The following ERI3 variants were observed in gnomAD, a reference collection of about 807,000 sequenced individuals.
ERI3 encodes ERI1 exoribonuclease family member 3, also known as ERI1 exoribonuclease 3.
Under a neutral mutation model 44.4 loss-of-function variants are expected in ERI3, and 18 were observed. That is an observed-to-expected ratio of 0.41 (90% CI 0.28 to 0.60). The LOEUF is 0.60. Among genes scored for constraint, ERI3 ranks in the 20% least tolerant of loss-of-function variants. ERI3 has a pLI of 0.36. For synonymous variants in ERI3, 183 were observed against 164.8 expected, an observed-to-expected ratio of 1.11 and a Z score of -0.84; for missense variants, 294 against 435.5, an observed-to-expected ratio of 0.68 and a Z score of 2.89.
At chr1:44,234,456 T>G (rs1008987629) in intron 8 of ERI3, among the ~76,000 whole-genome samples, 2 of 151,444 alleles carry the variant, frequency 1.3e-5, no homozygotes, top group African/African-American at 4.9e-5. Flanking sequence ...GAGGTCAGGA[T>G]TTCGAGACCA....
intron 3 of ERI3, among the ~76,000 whole-genome samples, chr1:44,335,991 G>A (rs540742318): frequency 4.3e-4 from 66 of 152,208 alleles, no homozygotes; most frequent in Admixed American, 1.4e-3. Flanking sequence ...TCAAGAGCAA[G>A]TTGTTATCGT....
intron 8 of ERI3, among the ~76,000 whole-genome samples, chr1:44,236,545 T>G (rs924981287): frequency 6.6e-6 from 1 of 150,882 alleles, no homozygotes; most frequent in Non-Finnish European, 1.5e-5. Flanking sequence ...TGAGGAAGAG[T>G]TAATTAGGTT....
chr1:44,285,962 G>A (rs1572189330), intron 6 of ERI3, among the ~76,000 whole-genome samples: 1 of 152,322 alleles, frequency 6.6e-6, no homozygotes, highest in East Asian at 1.9e-4. Context: ...GAGCAGGGTA[G>A]AAGCCAGTAG....
chr1:44,333,265 T>C (rs957615371), intron 3 of ERI3, among the ~76,000 whole-genome samples: 2 of 152,400 alleles, frequency 1.3e-5, no homozygotes, highest in African/African-American at 4.8e-5. Context: ...ATCTCAACCA[T>C]AATGTTACAT....
At chr1:44,352,795 C>G in intron 2 of ERI3, 55 bp downstream of exon 2, 2 of 1,605,792 alleles carry the variant, frequency 1.2e-6, no homozygotes, top group Non-Finnish European at 1.7e-6. Flanking sequence ...ACCCTCCAAG[C>G]CCAAATACTC....
At position 44,238,569 on chromosome 1, in the gene ERI3, C is replaced by G. The variant is rs114514143; in HGVS notation, c.931+9370G>C. Among the ~76,000 whole-genome samples, 1,129 of 152,218 alleles carry G rather than the reference C, an allele frequency of 7.4e-3. 9 individuals carry two copies. Among genetic ancestry groups the G allele is most frequent in the African/African-American group, 0.025 (1,050 of 41,534 alleles). On this transcript the variant is annotated intron_variant, in intron 8 of 8. Transcript: ENST00000372257. Reference sequence around the variant, plus strand: ...TGCGGAGATCACAAGGCCTGGCCACCGGAGTCAGCTTCTCCCACCAGAAGC... The same window carrying G: ...TGCGGAGATCACAAGGCCTGGCCACGGGAGTCAGCTTCTCCCACCAGAAGC...
Position 44,307,963 on chromosome 1 carries a change from T to C in ERI3, c.758+347A>G, listed in dbSNP as rs375068589. The stretch of plus-strand genomic sequence containing the variant: ...AAATAAGTTACTATATTTAATTACA[T>C]AGTAAACATGGTATTTGGCTTAAAA... On this transcript the variant is annotated intron_variant, in intron 6 of 8. Coordinates refer to ENST00000372257, the MANE Select transcript of ERI3 (RefSeq NM_024066.3). Among the ~76,000 whole-genome samples the C allele has an allele frequency of 3.7e-4, 57 of 152,332 alleles. No homozygotes were observed. The East Asian group carries it at 5.8e-3, about 15-fold the overall frequency.
At chr1:44,308,278 C>T (rs753414076) in intron 6 of ERI3, 32 bp downstream of exon 6, 51 of 1,510,046 alleles carry the variant, frequency 3.4e-5, no homozygotes, top group Non-Finnish European at 4.4e-5. Flanking sequence ...GATTCCAAGC[C>T]CTGCCAGCAA....
chr1:44,262,444 T>TC lies in ERI3; in HGVS notation c.832-14407dup, dbSNP rs1471931655. Among the ~76,000 whole-genome samples, 3 of 152,338 alleles carry TC rather than the reference T, an allele frequency of 2.0e-5. No homozygotes were observed. The East Asian group carries it at 5.8e-4, about 29-fold the overall frequency. ...ACCCTGTAGAGATGGTGTGCTTCTC[T>TC]CACTCCCCTGGGAATCTGTCTTCTG... On this transcript the variant is annotated intron_variant, in intron 7 of 8. Transcript: ENST00000372257.
At chr1:44,310,950 A>AGCGCGC (rs1645944471) in intron 5 of ERI3, among the ~76,000 whole-genome samples, 1 of 74,292 alleles carries the variant, frequency 1.3e-5, no homozygotes, top group African/African-American at 5.5e-5. Context: ...GTATGTGCAC[A>AGCGCGC]TCGCGCGCGC....
chr1:44,345,832 G>A (rs915170453), intron 2 of ERI3, among the ~76,000 whole-genome samples: 11 of 152,202 alleles, frequency 7.2e-5, no homozygotes, highest in African/African-American at 2.7e-4. Flanking sequence ...AATGAGATTA[G>A]AAAGAGAAAA....
At chr1:44,343,594 T>C (rs1209284655) in intron 2 of ERI3, among the ~76,000 whole-genome samples, 1 of 152,190 alleles carries the variant, frequency 6.6e-6, no homozygotes, top group African/African-American at 2.4e-5. Flanking sequence ...AAGGAACGTT[T>C]ACTGAGGAAA....
chr1:44,247,885 C>T (rs1644587927), intron 8 of ERI3, 54 bp downstream of exon 8: 6 of 1,452,016 alleles, frequency 4.1e-6, no homozygotes, highest in South Asian at 2.4e-5. Context: ...GACTGGGGCA[C>T]GCGGGCAAGG....
intron 5 of ERI3, among the ~76,000 whole-genome samples, chr1:44,310,965 A>ACGCGCG (rs1211817457): frequency 4.0e-5 from 2 of 49,718 alleles, no homozygotes; most frequent in African/African-American, 1.6e-4. Context: ...GCGCGCGCGC[A>ACGCGCG]CACACACACA....
chr1:44,222,566 G>GA (rs1207154504), intron 8 of ERI3, among the ~76,000 whole-genome samples: 2 of 152,194 alleles, frequency 1.3e-5, no homozygotes, highest in African/African-American at 4.8e-5. Context: ...CAGCGTCATG[G>GA]ACATGGGCCA....
At chr1:44,314,766 C>T (rs1182972535) in intron 4 of ERI3, among the ~76,000 whole-genome samples, 2 of 152,228 alleles carry the variant, frequency 1.3e-5, no homozygotes, top group African/African-American at 2.4e-5. Context: ...AGAAAGCCTA[C>T]TACGGGCTGG....
chr1:44,238,078 C>A (rs956182908), intron 8 of ERI3, among the ~76,000 whole-genome samples: 1 of 152,140 alleles, frequency 6.6e-6, no homozygotes, highest in Non-Finnish European at 1.5e-5. Flanking sequence ...GCAGCCAGCA[C>A]GGAGGCAGCC....
At chr1:44,337,425 A>C (rs1296874815) in intron 3 of ERI3, among the ~76,000 whole-genome samples, 1 of 152,248 alleles carries the variant, frequency 6.6e-6, no homozygotes, top group Admixed American at 6.5e-5. Flanking sequence ...AATTCCCAGC[A>C]TAAGCACCAG....
chr1:44,320,951 A>AG (rs1373243170), intron 3 of ERI3, among the ~76,000 whole-genome samples: 1 of 152,182 alleles, frequency 6.6e-6, no homozygotes, highest in African/African-American at 2.4e-5. Context: ...CCCCTTCCCC[A>AG]GGTCCTTCAT....
Sources: gnomAD v4.1 joint callset for allele counts (sites outside exome capture counted in the v4.1 genomes callset) on GRCh38, gnomAD v4.1.1 for gene constraint, MANE v1.5 for transcripts, NCBI Gene and HGNC (gene_info 2026-07-23, HGNC 2026-07-21) for gene names.